The following RALYL variants were observed in gnomAD, a reference collection of about 807,000 sequenced individuals.
The protein encoded by RALYL is RNA-binding Raly-like protein.
A neutral mutation model predicts 35.1 loss-of-function variants in RALYL; 29 were observed. The ratio of observed to expected loss-of-function variants is 0.83; its 90% CI spans 0.61 to 1.13. The LOEUF is 1.13. RALYL is among the 50% of genes most tolerant of loss of function. The probability of loss-of-function intolerance (pLI) is 0.00; values close to 1 mark genes in which losing one functional copy is unlikely to be tolerated. For missense variants in RALYL, 359 were observed against 360.4 expected (o/e 1.00, Z 0.03); for synonymous variants, 120 against 127.6 (o/e 0.94, Z 0.40).
intron 1 of RALYL, among the ~76,000 whole-genome samples, chr8:84,416,527 G>C (rs543715039): frequency 6.6e-6 from 1 of 152,186 alleles, no homozygotes; most frequent in Non-Finnish European, 1.5e-5. Flanking sequence ...GAAAGAAAAA[G>C]AGGGAAACTG....
At chr8:84,785,014 TG>T (rs146501266) in intron 3 of RALYL, among the ~76,000 whole-genome samples, 5,286 of 152,300 alleles carry the variant, frequency 0.035, 320 homozygotes, top group African/African-American at 0.12. Context: ...ATTTTGCTTA[TG>T]TTTATTGTAT....
chr8:84,875,963 G>A (rs978811736), intron 7 of RALYL, among the ~76,000 whole-genome samples: 1 of 152,092 alleles, frequency 6.6e-6, no homozygotes, highest in African/African-American at 2.4e-5. Flanking sequence ...GGAAGGAGAT[G>A]GAGAATCTGA....
chr8:84,737,579 C>A (rs1244400452), intron 2 of RALYL, among the ~76,000 whole-genome samples: 1 of 151,874 alleles, frequency 6.6e-6, no homozygotes, highest in Non-Finnish European at 1.5e-5. Flanking sequence ...AACTTTAAAT[C>A]TAGTTTATCA....
At chr8:84,864,881 G>A in intron 6 of RALYL, 1 of 452,632 alleles carries the variant, frequency 2.2e-6, no homozygotes, top group Non-Finnish European at 4.2e-6. Flanking sequence ...CAGCCATGAT[G>A]TACTTGAGCA....
chr8:84,862,325 C>A lies in RALYL; in HGVS notation c.443C>A (p.Pro148Gln). The A allele has an allele frequency of 6.3e-7, 1 of 1,595,162 alleles. No individual in the cohort carries two copies. The highest frequency in any genetic ancestry group is 8.5e-7 in the Non-Finnish European group (1 of 1,171,394). ...TTTGATTACCACGGGCGTGTGCCTCCACCTCCCCGTGCAGTAATTCCGCTG... is the reference window on the plus strand; with the variant it reads ...TTTGATTACCACGGGCGTGTGCCTCAACCTCCCCGTGCAGTAATTCCGCTG... ...RLFDYHGRVP[P>Q]PPRAVIPLKR... Residue 148 changes from proline to glutamine, a missense_variant, in exon 6 of 9, where the codon CCA (proline) becomes CAA (glutamine). Transcript: ENST00000521268.
intron 1 of RALYL, among the ~76,000 whole-genome samples, chr8:84,377,463 T>TG (rs1296313166): frequency 2.1e-5 from 3 of 145,552 alleles, no homozygotes; most frequent in African/African-American, 5.3e-5. Flanking sequence ...TTTTTTTTTT[T>TG]TTTTTTTTTT....
chr8:84,401,569 C>T (rs1214564762), intron 1 of RALYL, among the ~76,000 whole-genome samples: 3 of 125,474 alleles, frequency 2.4e-5, no homozygotes, highest in Admixed American at 1.0e-4. Context: ...ACCCGGGAGG[C>T]GGAGCTTGCA....
At chr8:84,497,073 T>C (rs1439030257) in intron 1 of RALYL, among the ~76,000 whole-genome samples, 1 of 152,086 alleles carries the variant, frequency 6.6e-6, no homozygotes, top group Non-Finnish European at 1.5e-5. Flanking sequence ...TGGAACCACT[T>C]AGGCTTATGG....
chr8:84,567,103 G>A (rs1033500459), intron 2 of RALYL, among the ~76,000 whole-genome samples: 1 of 151,602 alleles, frequency 6.6e-6, no homozygotes. Flanking sequence ...TTTTGTTGTT[G>A]AGTTATATGA....
chr8:84,622,928 A>G (rs969127738), intron 2 of RALYL, among the ~76,000 whole-genome samples: 5 of 152,176 alleles, frequency 3.3e-5, no homozygotes, highest in Non-Finnish European at 7.4e-5. Context: ...TTTGGTTGTG[A>G]CAAATTAAAG....
At chr8:84,526,595 C>A (rs115252213) in intron 1 of RALYL, among the ~76,000 whole-genome samples, 2,378 of 152,266 alleles carry the variant, frequency 0.016, 65 homozygotes, top group African/African-American at 0.054. Flanking sequence ...ACTTAGAAAT[C>A]AGCATAGGTT....
At chr8:84,652,277 G>T (rs532410030) in intron 2 of RALYL, among the ~76,000 whole-genome samples, 1 of 152,130 alleles carries the variant, frequency 6.6e-6, no homozygotes, top group Admixed American at 6.6e-5. Context: ...TCTATTATAA[G>T]GTTTGCTGTT....
intron 4 of RALYL, chr8:84,829,506 C>CTGAG (rs1830423551): frequency 6.5e-6 from 1 of 152,796 alleles, no homozygotes; most frequent in Non-Finnish European, 1.5e-5. Context: ...TTTGATAAAC[C>CTGAG]TGAGGCAGGC....
At position 84,495,944 on chromosome 8, in the gene RALYL, A is replaced by G. The variant is rs974073998; in HGVS notation, c.-23-33355A>G. ...TAGACCACTTAACTACTCACTGGCC[A>G]TATTTTTTTAATAAGTTGTACTTCT... is the stretch of plus-strand genomic sequence containing the variant. On this transcript the variant is annotated intron_variant, in intron 1 of 8. Transcript: ENST00000521268. Among the ~76,000 whole-genome samples, 15 of 152,180 alleles carry G rather than the reference A, an allele frequency of 9.9e-5. No homozygotes were observed. The South Asian group carries it at 2.9e-3, about 29-fold the overall frequency.
At chr8:84,554,893 G>A (rs1292858111) in intron 2 of RALYL, among the ~76,000 whole-genome samples, 1 of 152,124 alleles carries the variant, frequency 6.6e-6, no homozygotes, top group African/African-American at 2.4e-5. Flanking sequence ...CAGTTTTCAT[G>A]TGAGTCGCCC....
Position 84,873,235 on chromosome 8 carries a change from A to G in RALYL, c.572-49A>G, listed in dbSNP as rs200586079. 2.9e-3 allele frequency: 2,973 copies of G among 1,020,932 alleles called. 11 individuals are homozygous for G. Among genetic ancestry groups the G allele is most frequent in the South Asian group, 6.8e-3 (479 of 70,284 alleles). 63.2% of individuals were successfully genotyped at this position (1,020,932 alleles called of 1,614,324 possible). Reference sequence around the variant, plus strand: ...CTGTGAGTTCGGTCCTAGGTGAGTTATGGTGCATTTGATGCTCTGTTGTTT... The same window carrying G: ...CTGTGAGTTCGGTCCTAGGTGAGTTGTGGTGCATTTGATGCTCTGTTGTTT... On this transcript the variant is annotated intron_variant, in intron 6 of 8. Transcript: ENST00000521268.
At chr8:84,416,776 A>G (rs995370684) in intron 1 of RALYL, among the ~76,000 whole-genome samples, 29 of 152,204 alleles carry the variant, frequency 1.9e-4, no homozygotes, top group Non-Finnish European at 7.4e-5. Flanking sequence ...TCCTAAATGC[A>G]TTCTAGTTTG....
intron 3 of RALYL, among the ~76,000 whole-genome samples, chr8:84,799,852 A>G (rs1289905917): frequency 6.6e-6 from 1 of 152,176 alleles, no homozygotes; most frequent in Non-Finnish European, 1.5e-5. Flanking sequence ...GCTACTCGGG[A>G]GGCTGAGGCA....
chr8:84,748,059 T>C (rs570771715), intron 2 of RALYL, among the ~76,000 whole-genome samples: 3 of 151,978 alleles, frequency 2.0e-5, no homozygotes, highest in Non-Finnish European at 4.4e-5. Flanking sequence ...CTTTTTAAAC[T>C]GCTTTTAGCT....
Sources: gnomAD v4.1 joint callset for allele counts (sites outside exome capture counted in the v4.1 genomes callset) on GRCh38, gnomAD v4.1.1 for gene constraint, MANE v1.5 for transcripts, NCBI Gene and HGNC (gene_info 2026-07-23, HGNC 2026-07-21) for gene names.